The following DSCAM variants were observed in gnomAD, a reference collection of about 807,000 sequenced individuals.
DSCAM encodes DS cell adhesion molecule.
A neutral mutation model predicts 217.7 loss-of-function variants in DSCAM; 47 were observed. That is an observed-to-expected ratio of 0.22 (90% CI 0.17 to 0.28). The LOEUF (loss-of-function observed/expected upper bound fraction) is 0.28. Ranked by LOEUF, DSCAM falls within the 10% of genes least tolerant of loss-of-function variation. The pLI, the probability that DSCAM is intolerant of heterozygous loss-of-function variation, is 1.00. For missense variants in DSCAM, 2,080 were observed against 2,618.3 expected, an observed-to-expected ratio of 0.79 and a Z score of 4.49; for synonymous variants, 1,056 against 1,015.3, an observed-to-expected ratio of 1.04 and a Z score of -0.76.
intron 24 of DSCAM, among the ~76,000 whole-genome samples, chr21:40,082,321 G>A (rs902418462): frequency 1.3e-5 from 2 of 152,274 alleles, no homozygotes; most frequent in South Asian, 2.1e-4. Flanking sequence ...TCAGTCGGAC[G>A]TGGTGACACG....
intron 27 of DSCAM, among the ~76,000 whole-genome samples, chr21:40,071,427 T>A (rs1396801047): frequency 6.6e-6 from 1 of 152,204 alleles, no homozygotes; most frequent in African/African-American, 2.4e-5. Flanking sequence ...AAATTTTACA[T>A]AAAATAACAT....
chr21:40,808,474 A>AT (rs10538615), intron 1 of DSCAM, among the ~76,000 whole-genome samples: 78,287 of 139,338 alleles, frequency 0.56, 22,881 homozygotes, highest in South Asian at 0.68. Context: ...TACAACCATC[A>AT]TTTTTTTTTT....
chr21:40,633,375 C>T (rs761892009), intron 3 of DSCAM, among the ~76,000 whole-genome samples: 2 of 152,148 alleles, frequency 1.3e-5, no homozygotes, highest in African/African-American at 2.4e-5. Context: ...CATCTCTCTG[C>T]AAGAGCAGGG....
intron 3 of DSCAM, among the ~76,000 whole-genome samples, chr21:40,561,138 G>A (rs531379962): frequency 1.3e-5 from 2 of 152,188 alleles, no homozygotes; most frequent in Admixed American, 1.3e-4. Flanking sequence ...TATTTGGTAA[G>A]AGCATAGGCT....
intron 11 of DSCAM, among the ~76,000 whole-genome samples, chr21:40,201,085 C>A (rs2091064589): frequency 6.6e-6 from 1 of 152,172 alleles, no homozygotes. Context: ...AACCGTTAAT[C>A]AAATTCATGT....
chr21:40,363,311 G>A (rs1555909752), intron 4 of DSCAM, among the ~76,000 whole-genome samples: 1 of 132,942 alleles, frequency 7.5e-6, no homozygotes, highest in Non-Finnish European at 1.5e-5. Context: ...GGAGTGCAAT[G>A]GTGCCATCTT....
At chr21:40,288,438 A>G (rs2073853517) in intron 10 of DSCAM, among the ~76,000 whole-genome samples, 1 of 152,210 alleles carries the variant, frequency 6.6e-6, no homozygotes, top group Non-Finnish European at 1.5e-5. Flanking sequence ...ATCTAGAAGG[A>G]ACAAACAAAC....
chr21:40,569,210 T>C (rs1446369449), intron 3 of DSCAM, among the ~76,000 whole-genome samples: 3 of 152,182 alleles, frequency 2.0e-5, no homozygotes, highest in East Asian at 1.9e-4. Context: ...CCTTACAGTT[T>C]ATTCTTTAAC....
At chr21:40,508,759 ATATATATATATATATATATATATAT>A (rs1235794275) in intron 3 of DSCAM, among the ~76,000 whole-genome samples, 170 of 5,672 alleles carry the variant, frequency 0.03, 15 homozygotes, top group Middle Eastern at 0.12. Context: ...ATATATATAT[ATATATATATATATATATATATATAT>A]TTTTTTTTTT....
intron 8 of DSCAM, among the ~76,000 whole-genome samples, chr21:40,326,871 A>C (rs1357151420): frequency 2.0e-5 from 3 of 151,320 alleles, no homozygotes; most frequent in Non-Finnish European, 4.4e-5. Flanking sequence ...TCATGCATCT[A>C]TATATCTGTA....
intron 3 of DSCAM, among the ~76,000 whole-genome samples, chr21:40,376,609 T>TA (rs1352391614): frequency 4.2e-5 from 1 of 23,576 alleles, no homozygotes; most frequent in East Asian, 1.6e-3. Context: ...TCTATATATC[T>TA]TATATAGATA....
At chr21:40,201,737 A>G (rs2014678) in intron 11 of DSCAM, among the ~76,000 whole-genome samples, 79,452 of 152,054 alleles carry the variant, frequency 0.52, 21,639 homozygotes, top group African/African-American at 0.68. Context: ...CATTGTACTC[A>G]GCAGAAAACT....
At chr21:40,286,305 T>C (rs1036200476) in intron 10 of DSCAM, among the ~76,000 whole-genome samples, 6 of 152,164 alleles carry the variant, frequency 3.9e-5, no homozygotes, top group African/African-American at 1.4e-4. Flanking sequence ...GAGCAAAGCC[T>C]GTGGAACTGG....
chr21:40,323,473 G>A (rs2074282631), intron 8 of DSCAM, among the ~76,000 whole-genome samples: 2 of 152,122 alleles, frequency 1.3e-5, no homozygotes, highest in African/African-American at 2.4e-5. Flanking sequence ...TATACATGAT[G>A]AAAAGTATCT....
intron 3 of DSCAM, among the ~76,000 whole-genome samples, chr21:40,619,869 G>A (rs899089296): frequency 6.7e-6 from 1 of 148,346 alleles, no homozygotes; most frequent in African/African-American, 2.5e-5. Context: ...CAACATATTA[G>A]TAATTAAGGT....
At chr21:40,629,076 GGTGTGTGTGTGTGTGTGT>G (rs57351838) in intron 3 of DSCAM, among the ~76,000 whole-genome samples, 244 of 144,348 alleles carry the variant, frequency 1.7e-3, no homozygotes, top group South Asian at 5.0e-3. Context: ...GTGTGTGTGT[GGTGTGTGTGTGTGTGTGT>G]GTGTGTGTGT....
At chr21:40,248,192 C>G (rs531638220) in intron 11 of DSCAM, among the ~76,000 whole-genome samples, 1 of 152,160 alleles carries the variant, frequency 6.6e-6, no homozygotes, top group Admixed American at 6.5e-5. Flanking sequence ...GCTATGAAGA[C>G]CTCTGACATG....
At chr21:40,838,714 C>A (rs1011103344) in intron 1 of DSCAM, among the ~76,000 whole-genome samples, 1 of 152,166 alleles carries the variant, frequency 6.6e-6, no homozygotes, top group Admixed American at 6.5e-5. Flanking sequence ...GTTCAAATTT[C>A]TTTCCATCAC....
At chr21:40,049,454 C>T (rs1008615423) in intron 30 of DSCAM, among the ~76,000 whole-genome samples, 3 of 152,124 alleles carry the variant, frequency 2.0e-5, no homozygotes, top group Non-Finnish European at 4.4e-5. Flanking sequence ...CCCAAGAGAG[C>T]CCCTCCCACT....
Sources: allele counts gnomAD v4.1 joint callset (sites outside exome capture counted in the v4.1 genomes callset), GRCh38; gene constraint gnomAD v4.1.1; transcripts MANE v1.5; gene names NCBI Gene and HGNC (gene_info 2026-07-23, HGNC 2026-07-21).